BNC2: variants seen among roughly 807,000 people sequenced by gnomAD.
BNC2 encodes the protein zinc finger protein basonuclin-2.
BNC2 carries 20 observed loss-of-function variants against 76.3 expected under a neutral mutation model. That is an observed-to-expected ratio of 0.26 (90% CI 0.18 to 0.38). The LOEUF (loss-of-function observed/expected upper bound fraction) is 0.38, where lower values mean the gene tolerates loss of function less well. BNC2 is among the 10% of genes least tolerant of loss of function. The probability of loss-of-function intolerance (pLI) is 1.00; values close to 1 mark genes in which losing one functional copy is unlikely to be tolerated. For synonymous variants in BNC2, 582 were observed against 514.8 expected (o/e 1.13, Z -1.77); for missense variants, 1,382 against 1,399.8 (o/e 0.99, Z 0.20).
chr9:16,606,438 G>A (rs1332821181), intron 3 of BNC2, among the ~76,000 whole-genome samples: 1 of 152,006 alleles, frequency 6.6e-6, no homozygotes, highest in Non-Finnish European at 1.5e-5. Flanking sequence ...ACATGTTGTG[G>A]GACAGACCCA....
At chr9:16,516,526 A>C (rs1817445515) in intron 5 of BNC2, among the ~76,000 whole-genome samples, 2 of 152,214 alleles carry the variant, frequency 1.3e-5, no homozygotes, top group African/African-American at 2.4e-5. Flanking sequence ...ATAGGTACCC[A>C]GAAACCCCCC....
Position 16,738,417 on chromosome 9 carries a change from T to C in BNC2, c.72A>G (p.Gln24=). The change falls in exon 2 of 7, where the codon CAA becomes CAG. Residue 24 remains glutamine (Q), a synonymous_variant. Transcript: ENST00000380672. ...NYKSEDRLSE[Q]DWPAYFKVPC... Reference sequence around the variant, plus strand: ...GGACCTTGAAATATGCTGGCCAGTCTTGCTCACTAAGCCTGTCCTCTGATT... The same window carrying C: ...GGACCTTGAAATATGCTGGCCAGTCCTGCTCACTAAGCCTGTCCTCTGATT... 1 of 1,614,112 alleles carries C rather than the reference T, an allele frequency of 6.2e-7. No homozygotes were observed. Among genetic ancestry groups the C allele is most frequent in the Non-Finnish European group, 8.5e-7 (1 of 1,179,976 alleles).
intron 1 of BNC2, among the ~76,000 whole-genome samples, chr9:16,869,223 A>AAAAAT (rs10657424): frequency 0.84 from 127,333 of 151,628 alleles, 54,369 homozygotes; most frequent in Non-Finnish European, 0.9. Context: ...AAGTATATAA[A>AAAAAT]AATAAAACAG....
chr9:16,424,035 A>C (rs1274080671), intron 6 of BNC2, among the ~76,000 whole-genome samples: 4 of 152,180 alleles, frequency 2.6e-5, no homozygotes, highest in African/African-American at 9.7e-5. Flanking sequence ...TCCTTTGATG[A>C]AAACTTTACC....
At chr9:16,602,942 A>C (rs959194386) in intron 3 of BNC2, among the ~76,000 whole-genome samples, 2 of 152,252 alleles carry the variant, frequency 1.3e-5, no homozygotes, top group Non-Finnish European at 2.9e-5. Context: ...TACTTTAGAA[A>C]TAGAAGATGC....
At chr9:16,635,210 C>T (rs571622064) in intron 3 of BNC2, among the ~76,000 whole-genome samples, 6 of 152,096 alleles carry the variant, frequency 3.9e-5, no homozygotes, top group Non-Finnish European at 8.8e-5. Flanking sequence ...TAACTTTAAT[C>T]CCATGTCATA....
intron 6 of BNC2, chr9:16,431,462 T>C: frequency 2.1e-6 from 1 of 470,494 alleles, no homozygotes; most frequent in Middle Eastern, 3.3e-4. Context: ...GACAGCAGGT[T>C]CCAGGCCGGT....
rs1275617591 is a variant in BNC2, at chr9:16,681,540, G to A, written c.330+46257C>T. Among the ~76,000 whole-genome samples the A allele has an allele frequency of 2.0e-5, 3 of 152,134 alleles. No homozygotes were observed. In the South Asian group the frequency reaches 6.2e-4, roughly 32 times the overall value. Reference sequence around the variant, plus strand: ...GAAAGAGAACTGCAGGAAACTTTCTGGCTCTTGGAGAAGATGAAAAGACAA... The same window carrying A: ...GAAAGAGAACTGCAGGAAACTTTCTAGCTCTTGGAGAAGATGAAAAGACAA... On this transcript the variant is annotated intron_variant, in intron 3 of 6. Coordinates refer to ENST00000380672, the MANE Select transcript of BNC2 (RefSeq NM_017637.6).
chr9:16,486,278 T>C lies in BNC2; in HGVS notation c.670-48754A>G, dbSNP rs541876071. On this transcript the variant is annotated intron_variant, in intron 5 of 6. Coordinates refer to ENST00000380672, the MANE Select transcript of BNC2 (RefSeq NM_017637.6). ...AGTCAGAGGAAAATGAAGACCTGGGTATTAAATTCTGGTCATTTCTAAGTG... is the reference window on the plus strand; with the variant it reads ...AGTCAGAGGAAAATGAAGACCTGGGCATTAAATTCTGGTCATTTCTAAGTG... 2.6e-5 allele frequency among the ~76,000 whole-genome samples: 4 copies of C among 152,324 alleles called. No individual in the cohort carries two copies. In the East Asian group the frequency reaches 7.7e-4, roughly 29 times the overall value.
chr9:16,422,589 C>CA (rs1820731070), intron 6 of BNC2, among the ~76,000 whole-genome samples: 1 of 152,114 alleles, frequency 6.6e-6, no homozygotes, highest in Non-Finnish European at 1.5e-5. Context: ...ATGCCATATG[C>CA]AAAACACTTG....
intron 5 of BNC2, among the ~76,000 whole-genome samples, chr9:16,529,809 G>T (rs1381430160): frequency 6.6e-6 from 1 of 151,942 alleles, no homozygotes; most frequent in Non-Finnish European, 1.5e-5. Context: ...TCCCCAAACC[G>T]AAATCTATGA....
intron 1 of BNC2, among the ~76,000 whole-genome samples, chr9:16,806,299 G>T (rs1817909206): frequency 6.6e-6 from 1 of 152,098 alleles, no homozygotes; most frequent in Non-Finnish European, 1.5e-5. Context: ...AACATGGTGG[G>T]ATCACTGCAG....
intron 1 of BNC2, among the ~76,000 whole-genome samples, chr9:16,748,211 C>T (rs1308996859): frequency 2.0e-5 from 3 of 152,072 alleles, no homozygotes; most frequent in African/African-American, 7.2e-5. Context: ...CTAGAAATAC[C>T]TTTCAGGATC....
chr9:16,473,822 G>A (rs932907063), intron 5 of BNC2, among the ~76,000 whole-genome samples: 12 of 152,152 alleles, frequency 7.9e-5, no homozygotes, highest in Admixed American at 6.5e-4. Flanking sequence ...GCAGTGAGCC[G>A]AGATTGTGCC....
At chr9:16,805,639 T>G (rs1255064536) in intron 1 of BNC2, among the ~76,000 whole-genome samples, 1 of 152,110 alleles carries the variant, frequency 6.6e-6, no homozygotes, top group Non-Finnish European at 1.5e-5. Context: ...GAAATTCATT[T>G]TAAACTACAT....
rs1822617635 is a variant in BNC2, at chr9:16,506,140, T to C, written c.669+46390A>G. ...CCCATTAAAACTTGGATGGAAATTG[T>C]AGAAAAGTTTTTACCTTTTTAATGG... On this transcript the variant is annotated intron_variant, in intron 5 of 6. Coordinates refer to ENST00000380672, the MANE Select transcript of BNC2 (RefSeq NM_017637.6). Among the ~76,000 whole-genome samples the C allele has an allele frequency of 3.3e-5, 5 of 152,208 alleles. 1 individual carries two copies. The South Asian group carries it at 8.3e-4, about 25-fold the overall frequency.
intron 3 of BNC2, among the ~76,000 whole-genome samples, chr9:16,672,361 G>C (rs753614026): frequency 6.6e-6 from 1 of 152,170 alleles, no homozygotes; most frequent in Non-Finnish European, 1.5e-5. Context: ...GCTGGGCATG[G>C]TGGCGGGCAC....
chr9:16,442,688 G>T (rs536957658), intron 5 of BNC2, among the ~76,000 whole-genome samples: 73 of 152,266 alleles, frequency 4.8e-4, no homozygotes, highest in Non-Finnish European at 8.5e-4. Context: ...TTCATGGCAG[G>T]CTACAACTCA....
At chr9:16,848,685 T>G (rs1819050842) in intron 1 of BNC2, among the ~76,000 whole-genome samples, 1 of 152,138 alleles carries the variant, frequency 6.6e-6, no homozygotes, top group Non-Finnish European at 1.5e-5. Context: ...TGGGATTTGG[T>G]TAAAAGAAAG....
Sources: gnomAD v4.1 joint callset for allele counts (sites outside exome capture counted in the v4.1 genomes callset) on GRCh38, gnomAD v4.1.1 for gene constraint, MANE v1.5 for transcripts, NCBI Gene and HGNC (gene_info 2026-07-23, HGNC 2026-07-21) for gene names.